Variants in LSAMP observed in about 807,000 individuals in gnomAD.
LSAMP encodes limbic system associated membrane protein.
In LSAMP, 7 loss-of-function variants were observed where a neutral mutation model predicts 38.6. The observed-to-expected ratio is 0.18, with a 90% CI of 0.10 to 0.34. The LOEUF is 0.34. Ranked by LOEUF, LSAMP falls within the 10% of genes least tolerant of loss-of-function variation. The probability of loss-of-function intolerance (pLI) is 1.00; values close to 1 mark genes in which losing one functional copy is unlikely to be tolerated. For missense variants in LSAMP, 313 were observed against 420.0 expected (o/e 0.75, Z 2.23); for synonymous variants, 154 against 166.8 (o/e 0.92, Z 0.59).
chr3:116,026,906 C>T (rs978334634), intron 2 of LSAMP, among the ~76,000 whole-genome samples: 8 of 152,080 alleles, frequency 5.3e-5, no homozygotes, highest in Admixed American at 5.2e-4. Flanking sequence ...TGTGCTTATG[C>T]CTCTGCCATT....
chr3:116,261,053 C>G (rs1266653331), intron 1 of LSAMP, among the ~76,000 whole-genome samples: 5 of 152,012 alleles, frequency 3.3e-5, no homozygotes, highest in Non-Finnish European at 7.4e-5. Flanking sequence ...TATCCTATTA[C>G]CCTTAGCCAC....
chr3:115,879,200 T>C (rs1936261847), intron 3 of LSAMP, among the ~76,000 whole-genome samples: 1 of 152,170 alleles, frequency 6.6e-6, no homozygotes, highest in Non-Finnish European at 1.5e-5. Flanking sequence ...TTCAGATTTA[T>C]TGTGAAGATA....
chr3:116,208,225 T>A (rs1193991264), intron 1 of LSAMP, among the ~76,000 whole-genome samples: 4 of 151,974 alleles, frequency 2.6e-5, no homozygotes, highest in Non-Finnish European at 5.9e-5. Context: ...CTTCACGTAG[T>A]TCTTGAGCCT....
At chr3:116,166,180 T>C (rs1366085413) in intron 1 of LSAMP, among the ~76,000 whole-genome samples, 3 of 152,194 alleles carry the variant, frequency 2.0e-5, no homozygotes, top group African/African-American at 7.2e-5. Flanking sequence ...AAAGAAAAAC[T>C]TTCAGCAGCC....
chr3:116,082,114 A>G lies in LSAMP; in HGVS notation c.388+4210T>C, dbSNP rs191463447. Among the ~76,000 whole-genome samples the G allele has an allele frequency of 9.8e-4, 149 of 152,328 alleles. 1 individual carries two copies. Among genetic ancestry groups the G allele is most frequent in the African/African-American group, 3.5e-3 (145 of 41,590 alleles). On this transcript the variant is annotated intron_variant, in intron 2 of 6. Coordinates refer to ENST00000490035, the MANE Select transcript of LSAMP (RefSeq NM_002338.5). ...GGATTTCCTTTGTATTCATACACAC[A>G]TGAAGGTTTTTAATGTAACATTTAA...
chr3:116,024,864 A>T (rs1940743124), intron 2 of LSAMP, among the ~76,000 whole-genome samples: 2 of 151,326 alleles, frequency 1.3e-5, no homozygotes, highest in Non-Finnish European at 2.9e-5. Context: ...GGGGACAAAA[A>T]TGGGTAAATA....
intron 3 of LSAMP, among the ~76,000 whole-genome samples, chr3:115,929,557 A>C (rs921846394): frequency 1.3e-5 from 2 of 152,286 alleles, no homozygotes; most frequent in East Asian, 3.9e-4. Flanking sequence ...CACATCAAAC[A>C]GGGAGAATAT....
chr3:116,047,545 A>G (rs2107727819), intron 2 of LSAMP, among the ~76,000 whole-genome samples: 2 of 152,174 alleles, frequency 1.3e-5, no homozygotes, highest in East Asian at 3.9e-4. Context: ...ATTTGCTATT[A>G]CCTGTACATC....
intron 1 of LSAMP, among the ~76,000 whole-genome samples, chr3:116,351,963 G>A (rs886467688): frequency 6.6e-6 from 1 of 152,026 alleles, no homozygotes; most frequent in Admixed American, 6.6e-5. Flanking sequence ...AGTGAACAAA[G>A]TGTGTAAAAT....
At chr3:115,937,554 T>C (rs1159720390) in intron 3 of LSAMP, among the ~76,000 whole-genome samples, 1 of 151,874 alleles carries the variant, frequency 6.6e-6, no homozygotes, top group African/African-American at 2.4e-5. Context: ...GGTGGGAGGA[T>C]TGCTTGAGCC....
At chr3:115,816,267 G>A (rs1934014228) in intron 6 of LSAMP, among the ~76,000 whole-genome samples, 4 of 152,180 alleles carry the variant, frequency 2.6e-5, no homozygotes, top group Admixed American at 2.6e-4. Flanking sequence ...TTTTCTGAGA[G>A]CCCTGTCACT....
chr3:116,192,372 T>C (rs1216067572), intron 1 of LSAMP, among the ~76,000 whole-genome samples: 1 of 152,224 alleles, frequency 6.6e-6, no homozygotes, highest in African/African-American at 2.4e-5. Context: ...GAGCTCCATC[T>C]ACTTCTTATT....
intron 1 of LSAMP, among the ~76,000 whole-genome samples, chr3:116,238,664 T>C (rs1434598689): frequency 6.6e-6 from 1 of 152,122 alleles, no homozygotes; most frequent in Non-Finnish European, 1.5e-5. Context: ...CAGTTTGTCA[T>C]GTAAGTTTCT....
chr3:116,093,963 G>C (rs922165407), intron 1 of LSAMP, among the ~76,000 whole-genome samples: 1 of 152,196 alleles, frequency 6.6e-6, no homozygotes, highest in Non-Finnish European at 1.5e-5. Context: ...GCATTAAAAT[G>C]TGGAATCAGA....
chr3:116,153,649 T>A (rs922932888), intron 1 of LSAMP, among the ~76,000 whole-genome samples: 2 of 152,130 alleles, frequency 1.3e-5, no homozygotes, highest in African/African-American at 2.4e-5. Context: ...TCAGAAATTG[T>A]TCTAGGGGCA....
Position 116,276,567 on chromosome 3 carries a change from G to T in LSAMP, c.155+168310C>A, listed in dbSNP as rs112580305. On this transcript the variant is annotated intron_variant, in intron 1 of 6. Coordinates refer to ENST00000490035, the MANE Select transcript of LSAMP (RefSeq NM_002338.5). ...CGAGGGATAAAAGGCTGCAAACAGG[G>T]TGCAGCATATACTGCTGGGGTGATG... Among the ~76,000 whole-genome samples, 242 of 151,684 alleles carry T rather than the reference G, an allele frequency of 1.6e-3. 1 individual carries two copies. The highest frequency in any genetic ancestry group is 5.5e-3 in the African/African-American group (229 of 41,302).
At chr3:115,843,901 G>A (rs1216689831) in intron 4 of LSAMP, among the ~76,000 whole-genome samples, 18 of 152,114 alleles carry the variant, frequency 1.2e-4, no homozygotes, top group Admixed American at 1.2e-3. Flanking sequence ...GTGCTAAATG[G>A]AGTTTTGTTG....
At chr3:116,164,881 A>G (rs1231391431) in intron 1 of LSAMP, among the ~76,000 whole-genome samples, 3 of 150,806 alleles carry the variant, frequency 2.0e-5, no homozygotes, top group African/African-American at 7.3e-5. Flanking sequence ...GTACTGAGGT[A>G]TCAGCAAGAG....
chr3:115,829,861 A>G (rs1934551888), intron 6 of LSAMP, among the ~76,000 whole-genome samples: 1 of 152,232 alleles, frequency 6.6e-6, no homozygotes, highest in Admixed American at 6.5e-5. Flanking sequence ...TAATAAGAAT[A>G]CATTGAACTT....
Sources: gnomAD v4.1 joint callset for allele counts (sites outside exome capture counted in the v4.1 genomes callset) on GRCh38, gnomAD v4.1.1 for gene constraint, MANE v1.5 for transcripts, NCBI Gene and HGNC (gene_info 2026-07-23, HGNC 2026-07-21) for gene names.